Variants in ZCCHC7 observed in about 807,000 individuals in gnomAD.
The protein encoded by ZCCHC7 is zinc finger CCHC domain-containing protein 7.
A neutral mutation model predicts 52.0 loss-of-function variants in ZCCHC7; 35 were observed. The observed-to-expected ratio is 0.67, with a 90% confidence interval of 0.51 to 0.89. The LOEUF (loss-of-function observed/expected upper bound fraction) is 0.89. Among genes scored for constraint, ZCCHC7 ranks in the 40% least tolerant of loss-of-function variants. The pLI, the probability that ZCCHC7 is intolerant of heterozygous loss-of-function variation, is 0.00. For synonymous variants in ZCCHC7, 217 were observed against 221.5 expected, an observed-to-expected ratio of 0.98 and a Z score of 0.18; for missense variants, 574 against 649.1, an observed-to-expected ratio of 0.88 and a Z score of 1.26.
chr9:37,239,764 G>A (rs1399043198), intron 2 of ZCCHC7, among the ~76,000 whole-genome samples: 1 of 152,048 alleles, frequency 6.6e-6, no homozygotes, highest in Non-Finnish European at 1.5e-5. Flanking sequence ...ATATAAACCT[G>A]ATGTCCATTA....
chr9:37,233,390 C>A (rs1825496734), intron 2 of ZCCHC7, among the ~76,000 whole-genome samples: 1 of 152,080 alleles, frequency 6.6e-6, no homozygotes, highest in South Asian at 2.1e-4. Context: ...TTTTGGACTT[C>A]CTGTTGGGTT....
chr9:37,135,585 G>A (rs1028446955), intron 2 of ZCCHC7, among the ~76,000 whole-genome samples: 34 of 152,118 alleles, frequency 2.2e-4, no homozygotes, highest in Middle Eastern at 3.2e-3. Flanking sequence ...CCTTTAGTTC[G>A]TCAGCATTTG....
chr9:37,199,845 C>CA (rs1452470470), intron 2 of ZCCHC7, among the ~76,000 whole-genome samples: 3 of 151,572 alleles, frequency 2.0e-5, no homozygotes, highest in Admixed American at 6.6e-5. Flanking sequence ...GCTGGGACTA[C>CA]AGGCACCCGC....
At chr9:37,197,296 A>G (rs1310221850) in intron 2 of ZCCHC7, among the ~76,000 whole-genome samples, 1 of 152,166 alleles carries the variant, frequency 6.6e-6, no homozygotes, top group Non-Finnish European at 1.5e-5. Context: ...AGCAGCTCTT[A>G]TCTCTCCAGA....
intron 2 of ZCCHC7, among the ~76,000 whole-genome samples, chr9:37,228,539 T>C (rs2133299024): frequency 6.6e-6 from 1 of 152,008 alleles, no homozygotes; most frequent in African/African-American, 2.4e-5. Context: ...AGCTAATTTA[T>C]TTTTATTCTT....
chr9:37,292,335 A>T (rs1828578934), intron 2 of ZCCHC7, among the ~76,000 whole-genome samples: 1 of 152,220 alleles, frequency 6.6e-6, no homozygotes. Flanking sequence ...AGATGTGAAG[A>T]TGACTAAACT....
intron 2 of ZCCHC7, among the ~76,000 whole-genome samples, chr9:37,297,525 A>G (rs1466696758): frequency 1.3e-5 from 2 of 152,256 alleles, no homozygotes; most frequent in Non-Finnish European, 2.9e-5. Flanking sequence ...GCTGAATCAT[A>G]CATACCTACC....
Position 37,278,145 on chromosome 9 carries a change from G to A in ZCCHC7, c.611-24043G>A, listed in dbSNP as rs1376505301. Among the ~76,000 whole-genome samples the A allele has an allele frequency of 7.9e-5, 12 of 151,726 alleles. No individual in the cohort carries two copies. In the South Asian group the frequency reaches 1.3e-3, roughly 16 times the overall value. ...CATAATCTTAACTCACTGCAGCCTC[G>A]AGCTCCTAGACTCTGGTGGTCCTTT... On this transcript the variant is annotated intron_variant, in intron 2 of 8. Coordinates refer to ENST00000336755, the MANE Select transcript of ZCCHC7 (RefSeq NM_032226.3).
Position 37,358,036 on chromosome 9 carries a change from CTT to C in ZCCHC7, c.*769_*770del, listed in dbSNP as rs553250267. 3.9e-5 allele frequency: 6 copies of C among 152,084 alleles called. No individual in the cohort carries two copies. Among genetic ancestry groups the C allele is most frequent in the Non-Finnish European group, 5.9e-5 (4 of 68,008 alleles). 9.4% of individuals were successfully genotyped at this position (152,084 alleles called of 1,614,324 possible). A position where few individuals can be genotyped will look rare whatever the true frequency, so the allele number is the denominator to read the frequency against. On this transcript the variant is annotated 3_prime_UTR_variant, in exon 9 of 9. Coordinates refer to ENST00000336755, the MANE Select transcript of ZCCHC7 (RefSeq NM_032226.3). ...ATTACTCAAAAAATTTTTTTGTTCT[CTT>C]GCATTTTTTTCAACTACCGCAAAGC... is the stretch of plus-strand genomic sequence containing the variant.
intron 2 of ZCCHC7, among the ~76,000 whole-genome samples, chr9:37,149,806 A>G (rs888334177): frequency 6.6e-6 from 1 of 152,212 alleles, no homozygotes; most frequent in East Asian, 1.9e-4. Context: ...AAAATGGGAA[A>G]CACATAAATG....
Position 37,126,439 on chromosome 9 carries a change from A to G in ZCCHC7, c.107A>G (p.Tyr36Cys), listed in dbSNP as rs139862637. ...SVDSEVEFQL[Y>C]SQIHYAQDLD... ...GATAGTGAGGTGGAATTTCAACTCT[A>G]TAGCCAAATTCATTATGCCCAAGAT... is the stretch of plus-strand genomic sequence containing the variant. Residue 36 changes from tyrosine to cysteine, a missense_variant, in exon 2 of 9, where the codon TAT becomes TGT. Physicochemically the swap from Tyr to Cys is radical, Grantham distance 194. Coordinates refer to ENST00000336755, the MANE Select transcript of ZCCHC7 (RefSeq NM_032226.3). The G allele has an allele frequency of 7.4e-6, 12 of 1,613,936 alleles. No individual in the cohort carries two copies. The highest frequency in any genetic ancestry group is 1.3e-5 in the African/African-American group (1 of 75,050).
At chr9:37,219,115 C>G (rs1351882200) in intron 2 of ZCCHC7, among the ~76,000 whole-genome samples, 1 of 152,008 alleles carries the variant, frequency 6.6e-6, no homozygotes, top group African/African-American at 2.4e-5. Flanking sequence ...GAAAAATGTT[C>G]TTTAAAAATG....
chr9:37,291,466 A>G (rs773525129), intron 2 of ZCCHC7, among the ~76,000 whole-genome samples: 1 of 152,002 alleles, frequency 6.6e-6, no homozygotes, highest in Non-Finnish European at 1.5e-5. Context: ...TGATAAGGAC[A>G]TGTGATTTTT....
At chr9:37,180,898 C>T (rs532465555) in intron 2 of ZCCHC7, among the ~76,000 whole-genome samples, 134 of 152,100 alleles carry the variant, frequency 8.8e-4, no homozygotes, top group African/African-American at 2.6e-3. Context: ...TTGGTCATTT[C>T]GGATGATATG....
intron 2 of ZCCHC7, among the ~76,000 whole-genome samples, chr9:37,271,774 TG>T (rs1490649680): frequency 7.2e-5 from 11 of 152,308 alleles, no homozygotes; most frequent in Admixed American, 7.2e-4. Flanking sequence ...TTCACCATGT[TG>T]GCCAGGCTGG....
chr9:37,187,411 C>G (rs1368733887), intron 2 of ZCCHC7, among the ~76,000 whole-genome samples: 4 of 152,192 alleles, frequency 2.6e-5, no homozygotes, highest in Non-Finnish European at 5.9e-5. Flanking sequence ...GAATCTAATG[C>G]AGCAGCTGAT....
At chr9:37,165,604 A>G (rs1414627760) in intron 2 of ZCCHC7, among the ~76,000 whole-genome samples, 1 of 152,202 alleles carries the variant, frequency 6.6e-6, no homozygotes, top group East Asian at 1.9e-4. Context: ...TGAATTTTCA[A>G]ATATTAAAGT....
intron 2 of ZCCHC7, among the ~76,000 whole-genome samples, chr9:37,225,649 C>T (rs1825059449): frequency 6.6e-6 from 1 of 152,126 alleles, no homozygotes; most frequent in African/African-American, 2.4e-5. Flanking sequence ...AATTAAGCAA[C>T]ATTATTTACT....
intron 5 of ZCCHC7, among the ~76,000 whole-genome samples, chr9:37,319,462 C>G (rs1360506247): frequency 6.6e-6 from 1 of 152,176 alleles, no homozygotes; most frequent in Non-Finnish European, 1.5e-5. Flanking sequence ...GGGTCTTACT[C>G]TGTCCCCCAG....
Sources: allele counts gnomAD v4.1 joint callset (sites outside exome capture counted in the v4.1 genomes callset), GRCh38; gene constraint gnomAD v4.1.1; transcripts MANE v1.5; gene names NCBI Gene and HGNC (gene_info 2026-07-23, HGNC 2026-07-21).